TRIM48: variants seen among roughly 807,000 people sequenced by gnomAD.
The protein encoded by TRIM48 is tripartite motif containing 48.
Under a neutral mutation model 29.5 loss-of-function variants are expected in TRIM48, and 31 were observed. The observed-to-expected ratio is 1.05, with a 90% CI of 0.79 to 1.42. The LOEUF (loss-of-function observed/expected upper bound fraction) is 1.42, where lower values mean the gene tolerates loss of function less well. TRIM48 is among the 40% of genes most tolerant of loss of function. The pLI is 0.00. For missense variants in TRIM48, 344 were observed against 265.0 expected (o/e 1.30, Z -2.07); for synonymous variants, 128 against 90.6 (o/e 1.41, Z -2.34).
Position 55,269,299 on chromosome 11 carries a change from G to T in TRIM48, c.636G>T (p.Gly212=). 2 of 1,576,076 alleles carry T rather than the reference G, an allele frequency of 1.3e-6. 1 individual carries two copies. Among genetic ancestry groups the T allele is most frequent in the Non-Finnish European group, 1.7e-6 (2 of 1,166,052 alleles). ...PQPLNLALRA[G]PITGLRDRLN... ...CTCTGAATCTAGCGCTCAGGGCAGG[G>T]CCCATCACTGGACTGAGGGACAGGC... Residue 212 remains glycine, a synonymous_variant, in exon 5 of 6, where the codon GGG becomes GGT. Transcript: ENST00000417545.
In TRIM48 at chr11:55,265,152, G is replaced by T. The variant is rs767149810; in HGVS notation, c.297G>T (p.Trp99Cys). Residue 99 changes from tryptophan to cysteine, a missense_variant, in exon 2 of 6, where the codon TGG (tryptophan) becomes TGT (cysteine). Physicochemically the swap from Trp to Cys is radical, Grantham distance 215. Transcript: ENST00000417545. ...CCCTTGCCAGAAAAGCCAGTCTCTG[G>T]CTATTCCTGAGCTCTGAGGAGCAAA... ...MASLARKASLWLFLSSEEQMC... is the reference protein window; with the variant it reads ...MASLARKASLCLFLSSEEQMC... 2 of 1,582,564 alleles carry T rather than the reference G, an allele frequency of 1.3e-6. No individual in the cohort carries two copies. The highest frequency in any genetic ancestry group is 1.4e-5 in the African/African-American group (1 of 73,558).
At chr11:55,263,924 A>G (rs1857345887) in intron 1 of TRIM48, among the ~76,000 whole-genome samples, 1 of 152,128 alleles carries the variant, frequency 6.6e-6, no homozygotes. Flanking sequence ...TTTTCCTTTT[A>G]TCTGAGCTAC....
At chr11:55,268,102 A>T (rs899178256) in intron 3 of TRIM48, among the ~76,000 whole-genome samples, 1 of 147,056 alleles carries the variant, frequency 6.8e-6, no homozygotes, top group African/African-American at 2.5e-5. Context: ...TGGAGCATAG[A>T]CTCTCTGGGC....
chr11:55,270,459 T>G lies in TRIM48; in HGVS notation c.*24T>G, dbSNP rs1857464716. ...CAGTGGATATTACTCTGCATCACAA[T>G]GAAGCCAACAGTCATATCTTCCGAT... On this transcript the variant is annotated 3_prime_UTR_variant, in exon 6 of 6. Transcript: ENST00000417545. 1 of 1,534,826 alleles carries G rather than the reference T, an allele frequency of 6.5e-7. No homozygotes were observed.
chr11:55,268,770 G>A (rs1353261001), intron 4 of TRIM48, among the ~76,000 whole-genome samples: 3 of 147,606 alleles, frequency 2.0e-5, no homozygotes, highest in Non-Finnish European at 4.5e-5. Flanking sequence ...AAAATAGATT[G>A]AAAAAACTAT....
chr11:55,266,966 T>A (rs1264235347), intron 3 of TRIM48, among the ~76,000 whole-genome samples: 2 of 147,788 alleles, frequency 1.4e-5, no homozygotes, highest in Admixed American at 6.9e-5. Context: ...TAGGTTTTGC[T>A]GGGCGAAATG....
intron 3 of TRIM48, chr11:55,267,468 A>C: frequency 6.3e-7 from 1 of 1,579,458 alleles, no homozygotes; most frequent in Non-Finnish European, 8.6e-7. Context: ...CCTGCATTTC[A>C]TCATGAAGAA....
At chr11:55,262,660 A>T (rs1472304529) in intron 1 of TRIM48, among the ~76,000 whole-genome samples, 2 of 152,158 alleles carry the variant, frequency 1.3e-5, no homozygotes, top group African/African-American at 4.8e-5. Flanking sequence ...TTGAGAAGAC[A>T]TTAATGAATG....
chr11:55,264,793 A>C, intron 1 of TRIM48, 107 bp from the exon 2 acceptor site: 1 of 1,480,862 alleles, frequency 6.8e-7, no homozygotes. Context: ...TTGTGCTTTA[A>C]TGAACACTGT....
In TRIM48 at chr11:55,268,641, T is replaced by C. The variant is rs556037274; in HGVS notation, c.578+269T>C. Among the ~76,000 whole-genome samples, 4 of 148,046 alleles carry C rather than the reference T, an allele frequency of 2.7e-5. 1 individual carries two copies. Among genetic ancestry groups the C allele is most frequent in the Non-Finnish European group, 4.5e-5 (3 of 66,968 alleles). The stretch of plus-strand genomic sequence containing the variant: ...CATAGGTGAAAGATGAAGTTTTGTT[T>C]TGTGGATGGTGAGAAAGTCACCAGA... On this transcript the variant is annotated intron_variant, in intron 4 of 5. Transcript: ENST00000417545.
Position 55,270,477 on chromosome 11 carries a change from C to T in TRIM48, c.*42C>T, listed in dbSNP as rs1857465643. 5.1e-6 allele frequency: 8 copies of T among 1,558,964 alleles called. No homozygotes were observed. Among genetic ancestry groups the T allele is most frequent in the Admixed American group, 3.5e-5 (2 of 57,222 alleles). On this transcript the variant is annotated 3_prime_UTR_variant, in exon 6 of 6. Transcript: ENST00000417545. Reference sequence around the variant, plus strand: ...ATCACAATGAAGCCAACAGTCATATCTTCCGATGTGGAGATTTGAGAAGCA... The same window carrying T: ...ATCACAATGAAGCCAACAGTCATATTTTCCGATGTGGAGATTTGAGAAGCA...
intron 3 of TRIM48, among the ~76,000 whole-genome samples, chr11:55,266,014 G>A (rs559033388): frequency 6.8e-6 from 1 of 147,306 alleles, no homozygotes; most frequent in Admixed American, 6.9e-5. Context: ...TAAATGCTGG[G>A]CATAAGAGTT....
chr11:55,270,299 A>G lies in TRIM48; in HGVS notation c.*2-138A>G, dbSNP rs192443691. On this transcript the variant is annotated intron_variant, in intron 5 of 5. Transcript: ENST00000417545. ...TCATCTCTATACTTTATTAGAAGTTACAAGCAAAAGTGTCCTTGTGACTTT... is the reference window on the plus strand; with the variant it reads ...TCATCTCTATACTTTATTAGAAGTTGCAAGCAAAAGTGTCCTTGTGACTTT... 62 of 652,036 alleles carry G rather than the reference A, an allele frequency of 9.5e-5. 6 individuals are homozygous for G. In the Admixed American group the frequency reaches 1.4e-3, roughly 15 times the overall value. The allele number at this position is 652,036 out of a possible 1,614,324, so 40.4% of individuals were successfully genotyped here. A position where few individuals can be genotyped will look rare whatever the true frequency, so the allele number is the denominator to read the frequency against.
chr11:55,266,447 C>CT (rs1857393922), intron 3 of TRIM48, among the ~76,000 whole-genome samples: 1 of 147,168 alleles, frequency 6.8e-6, no homozygotes, highest in Non-Finnish European at 1.5e-5. Flanking sequence ...AGAAAATTTG[C>CT]CAGTATAGAA....
rs574286783 is a variant in TRIM48, at chr11:55,264,047, G to T, written c.45-853G>T. On this transcript the variant is annotated intron_variant, in intron 1 of 5. Coordinates refer to ENST00000417545, the MANE Select transcript of TRIM48 (RefSeq NM_024114.5). ...CTTCACAGACCCACCCAGAAACAAT[G>T]CTGCACCATTTCCCTGGGTGTTGGT... Among the ~76,000 whole-genome samples, 5 of 152,170 alleles carry T rather than the reference G, an allele frequency of 3.3e-5. No homozygotes were observed. In the South Asian group the frequency reaches 6.2e-4, roughly 19 times the overall value.
chr11:55,268,531 A>G (rs1857428113), intron 4 of TRIM48, among the ~76,000 whole-genome samples, 159 bp downstream of exon 4: 1 of 147,568 alleles, frequency 6.8e-6, no homozygotes, highest in Admixed American at 6.9e-5. Context: ...CCACTAAGTA[A>G]ATAAATACAT....
chr11:55,270,330 T>C, intron 5 of TRIM48, 107 bp from the exon 6 acceptor site: 2 of 894,532 alleles, frequency 2.2e-6, no homozygotes. Flanking sequence ...ACTTTACGTT[T>C]CCTGGTAAAT....
At chr11:55,264,280 GT>G (rs1291987800) in intron 1 of TRIM48, among the ~76,000 whole-genome samples, 1 of 147,768 alleles carries the variant, frequency 6.8e-6, no homozygotes, top group East Asian at 2.2e-4. Context: ...TTTAATTGCT[GT>G]TTTTTATTTG....
rs939933715 is a variant in TRIM48 at position 55,270,592 on chromosome 11, G to A, written c.*157G>A. ...ATGGGGTGCTCAGACTTTCACCTCT[G>A]GCAAATATTACTGGGAGGTCCATGT... On this transcript the variant is annotated 3_prime_UTR_variant, in exon 6 of 6. Coordinates refer to ENST00000417545, the MANE Select transcript of TRIM48 (RefSeq NM_024114.5). 6.3e-7 allele frequency: 1 copy of A among 1,583,232 alleles called. No individual in the cohort carries two copies. The highest frequency in any genetic ancestry group is 8.6e-7 in the Non-Finnish European group (1 of 1,165,610).
Sources: gnomAD v4.1 joint callset for allele counts (sites outside exome capture counted in the v4.1 genomes callset) on GRCh38, gnomAD v4.1.1 for gene constraint, MANE v1.5 for transcripts, NCBI Gene and HGNC (gene_info 2026-07-23, HGNC 2026-07-21) for gene names.